SMURF2: variants seen among roughly 807,000 people sequenced by gnomAD.
SMURF2 encodes SMAD specific E3 ubiquitin protein ligase 2.
SMURF2 carries 48 observed loss-of-function variants against 109.6 expected under a neutral mutation model. The ratio of observed to expected loss-of-function variants is 0.44; its 90% CI spans 0.35 to 0.56. The LOEUF is 0.56. Among genes scored for constraint, SMURF2 ranks in the 20% least tolerant of loss-of-function variants. The pLI, the probability that SMURF2 is intolerant of heterozygous loss-of-function variation, is 0.01. For missense variants in SMURF2, 575 were observed against 909.0 expected (o/e 0.63, Z 4.72); for synonymous variants, 288 against 317.1 (o/e 0.91, Z 0.97).
At chr17:64,556,156 G>T (rs1555684021) in intron 13 of SMURF2, among the ~76,000 whole-genome samples, 158 bp from the exon 14 acceptor site, 1 of 152,048 alleles carries the variant, frequency 6.6e-6, no homozygotes, top group African/African-American at 2.4e-5. Context: ...GCATGCTCCA[G>T]AGTCTCTAGA....
intron 1 of SMURF2, among the ~76,000 whole-genome samples, chr17:64,633,860 C>T (rs996537240): frequency 1.3e-4 from 19 of 151,766 alleles, no homozygotes; most frequent in African/African-American, 4.1e-4. Context: ...ACTGTAAAAA[C>T]ATAAAATTTA....
At chr17:64,661,765 C>CA in intron 1 of SMURF2, 64 bp downstream of exon 1, 1 of 1,166,896 alleles carries the variant, frequency 8.6e-7, no homozygotes, top group Non-Finnish European at 1.1e-6. Flanking sequence ...CCCAAGGCCA[C>CA]AGGCACCCCC....
intron 1 of SMURF2, among the ~76,000 whole-genome samples, chr17:64,650,204 C>CTTTTTTTTTTTTTTTTTTTTTT (rs34557504): frequency 7.5e-6 from 1 of 132,622 alleles, no homozygotes; most frequent in African/African-American, 2.7e-5. Flanking sequence ...TAAGACTTGC[C>CTTTTTTTTTTTTTTTTTTTTTT]TTTTTTTTTT....
chr17:64,599,978 G>C (rs1555688413), intron 2 of SMURF2, among the ~76,000 whole-genome samples: 1 of 152,192 alleles, frequency 6.6e-6, no homozygotes, highest in Non-Finnish European at 1.5e-5. Context: ...CAGTAAGAGA[G>C]GCTTAAAAGT....
In SMURF2 at chr17:64,545,942, T is replaced by C. The variant is rs559722942; in HGVS notation, c.2153A>G (p.Asn718Ser). 8.4e-5 allele frequency: 134 copies of C among 1,602,376 alleles called. 6 individuals carry two copies. In the South Asian group the frequency reaches 1.3e-3, roughly 16 times the overall value. The change falls in exon 19 of 19, where the codon AAT (asparagine) becomes AGT (serine). Residue 718 changes from asparagine to serine, a missense_variant. Asn to Ser is a conservative substitution (Grantham distance 46). This residue lies in a region of SMURF2 where 361 missense variants were observed against 612.1 expected (regional missense o/e 0.59). Transcript: ENST00000262435. ...NNLPKAHTCFNRIDIPPYESY... is the reference protein window; with the variant it reads ...NNLPKAHTCFSRIDIPPYESY... Reference sequence around the variant, plus strand: ...TTCATAGGGTGGAATGTCTATTCGATTGAAGCTGTGAATAAGCAAATCAAA... The same window carrying C: ...TTCATAGGGTGGAATGTCTATTCGACTGAAGCTGTGAATAAGCAAATCAAA...
At chr17:64,652,306 A>C (rs1345094485) in intron 1 of SMURF2, among the ~76,000 whole-genome samples, 2 of 152,230 alleles carry the variant, frequency 1.3e-5, no homozygotes, top group Non-Finnish European at 2.9e-5. Flanking sequence ...CAAATTAAAC[A>C]GCCGCTCCAA....
chr17:64,611,571 G>A (rs1163837049), intron 1 of SMURF2, among the ~76,000 whole-genome samples: 1 of 152,014 alleles, frequency 6.6e-6, no homozygotes, highest in Non-Finnish European at 1.5e-5. Context: ...CTGACATCCT[G>A]ACAATTACAA....
intron 6 of SMURF2, among the ~76,000 whole-genome samples, chr17:64,583,959 G>A (rs1329381932): frequency 2.6e-5 from 4 of 151,884 alleles, no homozygotes; most frequent in South Asian, 2.1e-4. Flanking sequence ...CACCGCATCC[G>A]GCCAAAAGCT....
At chr17:64,584,842 T>C (rs1555686943) in intron 6 of SMURF2, among the ~76,000 whole-genome samples, 2 of 152,176 alleles carry the variant, frequency 1.3e-5, no homozygotes, top group East Asian at 1.9e-4. Context: ...TATAGTACAA[T>C]AATGTAGGGC....
intron 1 of SMURF2, among the ~76,000 whole-genome samples, chr17:64,630,034 G>A (rs1259751962): frequency 3.9e-5 from 6 of 151,996 alleles, no homozygotes; most frequent in Non-Finnish European, 8.8e-5. Context: ...TCAGGAGTTC[G>A]AAACGAGCCT....
Position 64,581,058 on chromosome 17 carries a change from T to C in SMURF2, c.570-67A>G, listed in dbSNP as rs998153769. 4.9e-5 allele frequency: 67 copies of C among 1,368,124 alleles called. 2 individuals are homozygous for C. In the South Asian group the frequency reaches 7.7e-4, roughly 16 times the overall value. 84.7% of individuals were successfully genotyped at this position (1,368,124 alleles called of 1,614,324 possible). ...ATCAAAAGTAGAGTTCTCTAGACAA[T>C]ATATATATACTGCAGTAACAACCAC... On this transcript the variant is annotated intron_variant, in intron 7 of 18. Coordinates refer to ENST00000262435, the MANE Select transcript of SMURF2 (RefSeq NM_022739.4). The surrounding 1 kb of genome is among the most constrained non-coding windows in gnomAD (Gnocchi z 4.3).
At chr17:64,598,302 C>A in intron 3 of SMURF2, 80 bp downstream of exon 3, 1 of 1,231,644 alleles carries the variant, frequency 8.1e-7, no homozygotes, top group Non-Finnish European at 1.1e-6. Context: ...AAACCCAGAT[C>A]ATTTCCCATG....
intron 1 of SMURF2, among the ~76,000 whole-genome samples, chr17:64,641,036 C>CA (rs1399726631): frequency 8.7e-5 from 13 of 149,134 alleles, no homozygotes; most frequent in Admixed American, 3.4e-4. Flanking sequence ...AAAATCATTC[C>CA]AAAAAAAAAC....
rs1456188069 is a variant in SMURF2 at position 64,542,832 on chromosome 17, A to G, written c.*3016T>C. 3.3e-5 allele frequency: 5 copies of G among 152,236 alleles called. No individual in the cohort carries two copies. Among genetic ancestry groups the G allele is most frequent in the Non-Finnish European group, 5.9e-5 (4 of 68,068 alleles). The allele number at this position is 152,236 out of a possible 1,614,324, so 9.4% of individuals were successfully genotyped here. A position where few individuals can be genotyped will look rare whatever the true frequency, so the allele number is the denominator to read the frequency against. ...GAAAGAAAAAAAGGCTTGGTAAAAAACCCATTCGGGGCAACAAACTATGTG... is the reference window on the plus strand; with the variant it reads ...GAAAGAAAAAAAGGCTTGGTAAAAAGCCCATTCGGGGCAACAAACTATGTG... On this transcript the variant is annotated 3_prime_UTR_variant, in exon 19 of 19. Transcript: ENST00000262435.
At chr17:64,605,552 G>T (rs985637186) in intron 2 of SMURF2, among the ~76,000 whole-genome samples, 2 of 151,186 alleles carry the variant, frequency 1.3e-5, no homozygotes, top group Admixed American at 1.3e-4. Context: ...GCAAGATCCT[G>T]CCTCTACAAA....
chr17:64,588,559 T>C (rs1969701189), intron 5 of SMURF2, among the ~76,000 whole-genome samples: 1 of 152,130 alleles, frequency 6.6e-6, no homozygotes, highest in African/African-American at 2.4e-5. Context: ...ATATACATTT[T>C]ATATACATAT....
At position 64,661,824 on chromosome 17, in the gene SMURF2, C is replaced by A. The variant is rs1033898098; in HGVS notation, c.52+5G>T. 2.4e-5 allele frequency: 29 copies of A among 1,222,876 alleles called. No individual in the cohort carries two copies. Among genetic ancestry groups the A allele is most frequent in the South Asian group, 8.2e-5 (2 of 24,490 alleles). The allele number at this position is 1,222,876 out of a possible 1,614,324, so 75.8% of individuals were successfully genotyped here. On this transcript the variant is annotated splice_donor_5th_base_variant and intron_variant, in intron 1 of 18. Coordinates refer to ENST00000262435, the MANE Select transcript of SMURF2 (RefSeq NM_022739.4). ...TGCCCAGCCCGGCCCGCCGCCCCCC[C>A]TCACCTGTCAGGCGCAGCTTGACGG...
chr17:64,591,021 G>C, intron 5 of SMURF2, 63 bp downstream of exon 5: 1 of 1,178,392 alleles, frequency 8.5e-7, no homozygotes, highest in Non-Finnish European at 1.2e-6. Flanking sequence ...TGATTTAAAA[G>C]GTATTTTACA....
At chr17:64,591,397 C>T (rs1366566150) in intron 4 of SMURF2, among the ~76,000 whole-genome samples, 1 of 152,160 alleles carries the variant, frequency 6.6e-6, no homozygotes, top group Non-Finnish European at 1.5e-5. Flanking sequence ...ATCCCTAAGC[C>T]TTGGTTTTCT....
Sources: gnomAD v4.1 joint callset for allele counts (sites outside exome capture counted in the v4.1 genomes callset) on GRCh38, gnomAD v4.1.1 for gene constraint, gnomAD v4.1.1 regional missense constraint, Gnocchi (gnomAD v3.1) non-coding constraint, MANE v1.5 for transcripts, NCBI Gene and HGNC (gene_info 2026-07-23, HGNC 2026-07-21) for gene names.